Variants in TMEM132B observed in about 807,000 individuals in gnomAD.
The protein encoded by TMEM132B is transmembrane protein 132B.
TMEM132B carries 18 observed loss-of-function variants against 90.8 expected under a neutral mutation model. The ratio of observed to expected loss-of-function variants is 0.20; its 90% CI spans 0.14 to 0.29. The LOEUF (loss-of-function observed/expected upper bound fraction) is 0.29. TMEM132B is among the 10% of genes least tolerant of loss of function. The pLI, the probability that TMEM132B is intolerant of heterozygous loss-of-function variation, is 1.00. For missense variants in TMEM132B, 1,096 were observed against 1,326.8 expected, an observed-to-expected ratio of 0.83 and a Z score of 2.70; for synonymous variants, 504 against 523.3, an observed-to-expected ratio of 0.96 and a Z score of 0.50.
At chr12:125,436,920 A>G (rs1396749163) in intron 3 of TMEM132B, among the ~76,000 whole-genome samples, 1 of 152,156 alleles carries the variant, frequency 6.6e-6, no homozygotes, top group Non-Finnish European at 1.5e-5. Context: ...CCCTTCTGCC[A>G]CCTGCAAGTG....
chr12:125,194,710 G>A (rs951642352), intron 1 of TMEM132B, among the ~76,000 whole-genome samples: 5 of 132,092 alleles, frequency 3.8e-5, no homozygotes, highest in Middle Eastern at 3.4e-3. Flanking sequence ...GGGTTGGGGG[G>A]CACCTGGGCA....
chr12:125,470,857 C>T (rs1355315563), intron 3 of TMEM132B, among the ~76,000 whole-genome samples: 2 of 152,156 alleles, frequency 1.3e-5, no homozygotes, highest in Non-Finnish European at 2.9e-5. Context: ...ATTTTTCCCT[C>T]CTTCAGCAAT....
intron 6 of TMEM132B, among the ~76,000 whole-genome samples, chr12:125,649,700 ACAGAATCCCCAGG>A (rs1005482072): frequency 6.6e-6 from 1 of 152,108 alleles, no homozygotes; most frequent in African/African-American, 2.4e-5. Flanking sequence ...TTCTCCCCTG[ACAGAATCCCCAGG>A]CACTGAGGGC....
chr12:125,538,882 T>C (rs1265790282), intron 4 of TMEM132B, among the ~76,000 whole-genome samples: 3 of 152,178 alleles, frequency 2.0e-5, no homozygotes, highest in Admixed American at 6.5e-5. Flanking sequence ...CTCTCCATTT[T>C]CAAGCATCAT....
chr12:125,399,008 C>A (rs574045943), intron 2 of TMEM132B, among the ~76,000 whole-genome samples: 1 of 152,278 alleles, frequency 6.6e-6, no homozygotes, highest in Admixed American at 6.5e-5. Flanking sequence ...CTGGCTGGTG[C>A]CTGGAGGCTG....
At chr12:125,480,486 C>T (rs374208642) in intron 3 of TMEM132B, among the ~76,000 whole-genome samples, 19 of 152,232 alleles carry the variant, frequency 1.2e-4, no homozygotes, top group South Asian at 6.2e-4. Flanking sequence ...AACACCTCTA[C>T]GCAAATAAAC....
rs966210992 is a variant in TMEM132B at position 125,442,603 on chromosome 12, G to A, written c.1106+26926G>A. Among the ~76,000 whole-genome samples the A allele has an allele frequency of 2.6e-5, 4 of 152,074 alleles. 1 individual carries two copies. Among genetic ancestry groups the A allele is most frequent in the Admixed American group, 1.3e-4 (2 of 15,260 alleles). The stretch of plus-strand genomic sequence containing the variant: ...TAAAGTAGTATTTAGTATAGTTTAC[G>A]GGAACAGAACAAGCCCTTATTAAAT... On this transcript the variant is annotated intron_variant, in intron 3 of 8. Coordinates refer to ENST00000682704, the MANE Select transcript of TMEM132B (RefSeq NM_001366854.1).
chr12:125,527,257 TCCACCCG>T (rs1883501684), intron 4 of TMEM132B, among the ~76,000 whole-genome samples: 1 of 101,822 alleles, frequency 9.8e-6, no homozygotes, highest in African/African-American at 4.5e-5. Context: ...CACCCTTCCA[TCCACCCG>T]TTTACCCTTC....
intron 1 of TMEM132B, among the ~76,000 whole-genome samples, chr12:125,336,021 T>G (rs1246634159): frequency 3.9e-5 from 6 of 152,276 alleles, no homozygotes; most frequent in African/African-American, 2.4e-5. Context: ...CATTTCACCC[T>G]TTTTGGTATG....
At chr12:125,392,886 G>A (rs1454650970) in intron 2 of TMEM132B, among the ~76,000 whole-genome samples, 3 of 152,228 alleles carry the variant, frequency 2.0e-5, no homozygotes, top group African/African-American at 4.8e-5. Flanking sequence ...GTGAGGTGCT[G>A]TTAGTGCTGT....
chr12:125,585,205 T>A (rs1885152486), intron 5 of TMEM132B: 1 of 152,204 alleles, frequency 6.6e-6, no homozygotes, highest in African/African-American at 2.4e-5. Flanking sequence ...TGGCATAGAC[T>A]CTTTCCTGGA....
In TMEM132B at chr12:125,653,911, A is replaced by G; in HGVS notation, c.2453A>G (p.His818Arg). 6.2e-7 allele frequency: 1 copy of G among 1,614,190 alleles called. No individual in the cohort carries two copies. The highest frequency in any genetic ancestry group is 1.7e-5 in the Admixed American group (1 of 60,022). ...IEGINREYKDHLSNSIEREGN... is the reference protein window; with the variant it reads ...IEGINREYKDRLSNSIEREGN... ...GGCATAAATCGGGAATATAAAGACC[A>G]CCTCAGTAATTCCATAGAGCGCGAA... The change falls in exon 9 of 9, where the codon CAC (histidine) becomes CGC (arginine). Residue 818 changes from histidine (H) to arginine (R), a missense_variant. His to Arg is a conservative substitution (Grantham distance 29). Coordinates refer to ENST00000682704, the MANE Select transcript of TMEM132B (RefSeq NM_001366854.1).
intron 1 of TMEM132B, among the ~76,000 whole-genome samples, chr12:125,243,010 C>CATAT (rs763167605): frequency 0.18 from 20,028 of 108,594 alleles, 2,062 homozygotes; most frequent in Middle Eastern, 0.22. Context: ...TCTCTTTCTT[C>CATAT]ATATATATAT....
intron 2 of TMEM132B, among the ~76,000 whole-genome samples, chr12:125,369,884 A>C (rs1011174236): frequency 1.3e-5 from 2 of 152,092 alleles, no homozygotes; most frequent in Non-Finnish European, 2.9e-5. Context: ...CCCTGTCTCT[A>C]CTAAAAATAC....
intron 1 of TMEM132B, among the ~76,000 whole-genome samples, chr12:125,206,312 C>T (rs1873184631): frequency 6.6e-6 from 1 of 152,044 alleles, no homozygotes; most frequent in Non-Finnish European, 1.5e-5. Flanking sequence ...AATCTCAGCT[C>T]ACTGCAACCT....
intron 1 of TMEM132B, among the ~76,000 whole-genome samples, chr12:125,283,649 C>T (rs534806842): frequency 6.6e-6 from 1 of 152,342 alleles, no homozygotes; most frequent in African/African-American, 2.4e-5. Flanking sequence ...TAAGATGTCG[C>T]GTCCAACAAT....
chr12:125,375,923 G>A (rs1299576914), intron 2 of TMEM132B, among the ~76,000 whole-genome samples: 1 of 152,208 alleles, frequency 6.6e-6, no homozygotes. Flanking sequence ...GAACCGCCAG[G>A]GAAGGGGAAA....
At chr12:125,523,136 G>T (rs571250667) in intron 4 of TMEM132B, among the ~76,000 whole-genome samples, 2 of 152,278 alleles carry the variant, frequency 1.3e-5, no homozygotes, top group African/African-American at 4.8e-5. Flanking sequence ...GCTCTTGCTT[G>T]CCATATTATT....
intron 4 of TMEM132B, among the ~76,000 whole-genome samples, chr12:125,535,795 A>G (rs1430474374): frequency 2.0e-5 from 3 of 152,150 alleles, no homozygotes; most frequent in Non-Finnish European, 2.9e-5. Flanking sequence ...CACTTTGCAC[A>G]GGTGATGGTT....
Sources: gnomAD v4.1 joint callset for allele counts (sites outside exome capture counted in the v4.1 genomes callset) on GRCh38, gnomAD v4.1.1 for gene constraint, MANE v1.5 for transcripts, NCBI Gene and HGNC (gene_info 2026-07-23, HGNC 2026-07-21) for gene names.